KCNIP4: variants seen among roughly 807,000 people sequenced by gnomAD.
KCNIP4 encodes potassium voltage-gated channel interacting protein 4, also known as Kv channel-interacting protein 4.
In KCNIP4, 12 loss-of-function variants were observed where a neutral mutation model predicts 34.0. The ratio of observed to expected loss-of-function variants is 0.35; its 90% CI spans 0.23 to 0.57. The LOEUF (loss-of-function observed/expected upper bound fraction) is 0.57, where lower values mean the gene tolerates loss of function less well. Ranked by LOEUF, KCNIP4 falls within the 20% of genes least tolerant of loss-of-function variation. KCNIP4 has a pLI of 0.83. For synonymous variants in KCNIP4, 124 were observed against 102.2 expected (o/e 1.21, Z -1.29); for missense variants, 238 against 311.7 (o/e 0.76, Z 1.78).
chr4:21,308,318 A>ATTTCTAAATGATACTTAATCTCCGTGG (rs1414561473), intron 1 of KCNIP4, among the ~76,000 whole-genome samples: 7 of 152,158 alleles, frequency 4.6e-5, no homozygotes, highest in Non-Finnish European at 1.0e-4. Flanking sequence ...GTGCAATAAT[A>ATTTCTAAATGATACTTAATCTCCGTGG]TTTCTAAATG....
chr4:21,801,617 ATTATTT>A (rs1316417710), intron 1 of KCNIP4, among the ~76,000 whole-genome samples: 1 of 151,538 alleles, frequency 6.6e-6, no homozygotes, highest in Non-Finnish European at 1.5e-5. Context: ...TATTATTATT[ATTATTT>A]TTTGAGATGG....
At chr4:21,753,383 C>T (rs987798986) in intron 1 of KCNIP4, among the ~76,000 whole-genome samples, 2 of 152,130 alleles carry the variant, frequency 1.3e-5, no homozygotes, top group African/African-American at 4.8e-5. Flanking sequence ...TTGGGTATCA[C>T]CAAGTAAAAC....
chr4:21,900,416 G>A (rs1014415345), intron 1 of KCNIP4, among the ~76,000 whole-genome samples: 1 of 152,162 alleles, frequency 6.6e-6, no homozygotes, highest in Non-Finnish European at 1.5e-5. Flanking sequence ...TTTCCTGAAT[G>A]AGTAATCCTC....
rs919793713 is a variant in KCNIP4, at chr4:21,106,370, C to G, written c.62-223661G>C. ...AATTTATCCATTTCTTCTAGATTTTCTAGTTTATTTGCGTAAGGATGTTTG... is the reference window on the plus strand; with the variant it reads ...AATTTATCCATTTCTTCTAGATTTTGTAGTTTATTTGCGTAAGGATGTTTG... On this transcript the variant is annotated intron_variant, in intron 1 of 8. Coordinates refer to ENST00000382152, the MANE Select transcript of KCNIP4 (RefSeq NM_025221.6). Among the ~76,000 whole-genome samples the G allele has an allele frequency of 2.6e-5, 4 of 151,646 alleles. No individual in the cohort carries two copies. The East Asian group carries it at 5.8e-4, about 22-fold the overall frequency.
chr4:20,936,028 A>G (rs1452921583), intron 1 of KCNIP4, among the ~76,000 whole-genome samples: 1 of 151,528 alleles, frequency 6.6e-6, no homozygotes, highest in African/African-American at 2.4e-5. Context: ...AAAAAACTGG[A>G]ACACAAGAGC....
intron 1 of KCNIP4, among the ~76,000 whole-genome samples, chr4:21,810,686 T>A (rs1488500784): frequency 2.3e-5 from 1 of 44,094 alleles, no homozygotes; most frequent in Non-Finnish European, 3.8e-5. Flanking sequence ...CGAGACTCCG[T>A]CTCAAAAAAA....
chr4:21,795,943 C>A (rs148718085), intron 1 of KCNIP4, among the ~76,000 whole-genome samples: 3 of 151,982 alleles, frequency 2.0e-5, no homozygotes, highest in Non-Finnish European at 4.4e-5. Flanking sequence ...GTGGTGCGTG[C>A]CTGTAATCCC....
chr4:21,219,710 G>A (rs1437611046), intron 1 of KCNIP4, among the ~76,000 whole-genome samples: 1 of 152,084 alleles, frequency 6.6e-6, no homozygotes, highest in African/African-American at 2.4e-5. Context: ...AAAAACAGCA[G>A]GAAGGTTTCA....
chr4:21,239,111 A>G (rs1759599057), intron 1 of KCNIP4, among the ~76,000 whole-genome samples: 1 of 152,090 alleles, frequency 6.6e-6, no homozygotes, highest in South Asian at 2.1e-4. Flanking sequence ...CCTGACAAAA[A>G]CAAGCAATGG....
chr4:20,901,033 G>A lies in KCNIP4; in HGVS notation c.62-18324C>T, dbSNP rs571369062. On this transcript the variant is annotated intron_variant, in intron 1 of 8. Coordinates refer to ENST00000382152, the MANE Select transcript of KCNIP4 (RefSeq NM_025221.6). ...GCAGGACAATTTGTCTGATAAATGC[G>A]TTTATAGCAACAATATTTATGAGAT... 1.9e-3 allele frequency among the ~76,000 whole-genome samples: 283 copies of A among 152,198 alleles called. 1 individual carries two copies. Among genetic ancestry groups the A allele is most frequent in the African/African-American group, 6.5e-3 (268 of 41,540 alleles).
chr4:21,497,927 T>C (rs1732984077), intron 1 of KCNIP4, among the ~76,000 whole-genome samples: 2 of 152,174 alleles, frequency 1.3e-5, no homozygotes, highest in Admixed American at 6.6e-5. Context: ...TACTGATATA[T>C]AAAAGCTCTT....
At chr4:21,061,997 G>A (rs1212813978) in intron 1 of KCNIP4, among the ~76,000 whole-genome samples, 1 of 152,120 alleles carries the variant, frequency 6.6e-6, no homozygotes, top group Non-Finnish European at 1.5e-5. Flanking sequence ...TTCACATCTT[G>A]ATCTTTGACT....
rs1747411051 is a variant in KCNIP4, at chr4:20,729,673, A to G, written c.*409T>C. ...AAATTAATTTAATTTCTGGAAATTA[A>G]ATGCAGATGTCACTATATTAGAAAA... On this transcript the variant is annotated 3_prime_UTR_variant, in exon 9 of 9. Coordinates refer to ENST00000382152, the MANE Select transcript of KCNIP4 (RefSeq NM_025221.6). The G allele has an allele frequency of 6.4e-6, 1 of 155,544 alleles. No individual in the cohort carries two copies. Among genetic ancestry groups the G allele is most frequent in the African/African-American group, 2.4e-5 (1 of 41,556 alleles). 9.6% of individuals were successfully genotyped at this position (155,544 alleles called of 1,614,324 possible).
At chr4:20,955,834 T>C (rs1733244743) in intron 1 of KCNIP4, among the ~76,000 whole-genome samples, 3 of 152,244 alleles carry the variant, frequency 2.0e-5, no homozygotes, top group Admixed American at 2.0e-4. Context: ...TCAGTTCTTT[T>C]AGTTCCATAT....
At chr4:21,801,595 T>G (rs1373864081) in intron 1 of KCNIP4, among the ~76,000 whole-genome samples, 1 of 151,900 alleles carries the variant, frequency 6.6e-6, no homozygotes, top group Non-Finnish European at 1.5e-5. Context: ...GAATTTTACT[T>G]ATTTATTTTA....
At chr4:21,093,002 C>G (rs4574407) in intron 1 of KCNIP4, among the ~76,000 whole-genome samples, 1 of 152,124 alleles carries the variant, frequency 6.6e-6, no homozygotes, top group South Asian at 2.1e-4. Context: ...CTCTAAAAAA[C>G]TAACGGCTTT....
At chr4:21,197,852 G>C (rs767083219) in intron 1 of KCNIP4, among the ~76,000 whole-genome samples, 1 of 152,074 alleles carries the variant, frequency 6.6e-6, no homozygotes, top group Non-Finnish European at 1.5e-5. Context: ...GCTTAACTTT[G>C]GACTCAGTTA....
rs1010982913 is a variant in KCNIP4 at position 21,668,443 on chromosome 4, T to C, written c.61+280128A>G. Among the ~76,000 whole-genome samples the C allele has an allele frequency of 3.3e-5, 5 of 152,180 alleles. No individual in the cohort carries two copies. In the East Asian group the frequency reaches 9.6e-4, roughly 29 times the overall value. ...CACAAGGTATGATGTGCTTCTTACA[T>C]TTTTATGAAGATATTTATGTGAAAA... On this transcript the variant is annotated intron_variant, in intron 1 of 8. Transcript: ENST00000382152.
Position 21,820,087 on chromosome 4 carries a change from T to TA in KCNIP4, c.61+128483dup, listed in dbSNP as rs536594066. ...ACTCTATTAGTTTGGGTTAGAAAGT[T>TA]AAAAAAATAAAATAAGGCAGATACA... On this transcript the variant is annotated intron_variant, in intron 1 of 8. Coordinates refer to ENST00000382152, the MANE Select transcript of KCNIP4 (RefSeq NM_025221.6). Among the ~76,000 whole-genome samples, 476 of 151,740 alleles carry TA rather than the reference T, an allele frequency of 3.1e-3. 2 individuals carry two copies. The highest frequency in any genetic ancestry group is 0.011 in the African/African-American group (445 of 41,394).
Sources: allele counts gnomAD v4.1 joint callset (sites outside exome capture counted in the v4.1 genomes callset), GRCh38; gene constraint gnomAD v4.1.1; transcripts MANE v1.5; gene names NCBI Gene and HGNC (gene_info 2026-07-23, HGNC 2026-07-21).